Variants in LYPD6B observed in about 807,000 individuals in gnomAD.
The protein encoded by LYPD6B is ly6/PLAUR domain-containing protein 6B.
In LYPD6B, 17 loss-of-function variants were observed where a neutral mutation model predicts 22.8. The observed-to-expected ratio is 0.75, with a 90% CI of 0.51 to 1.12. The LOEUF is 1.12. Among genes scored for constraint, LYPD6B ranks in the 50% most tolerant of loss-of-function variants. The probability of loss-of-function intolerance (pLI) is 0.00; values close to 1 mark genes in which losing one functional copy is unlikely to be tolerated. For missense variants in LYPD6B, 221 were observed against 258.3 expected (o/e 0.86, Z 0.99); for synonymous variants, 106 against 91.6 (o/e 1.16, Z -0.90).
At chr2:149,124,197 A>G (rs1687550897) in intron 1 of LYPD6B, among the ~76,000 whole-genome samples, 1 of 152,194 alleles carries the variant, frequency 6.6e-6, no homozygotes, top group African/African-American at 2.4e-5. Flanking sequence ...TCACTGCACT[A>G]ACCCCTCCAA....
At chr2:149,196,998 A>G (rs1575163430) in intron 3 of LYPD6B, among the ~76,000 whole-genome samples, 1 of 152,214 alleles carries the variant, frequency 6.6e-6, no homozygotes, top group Non-Finnish European at 1.5e-5. Flanking sequence ...AGGACATTTC[A>G]GCCTCCATTT....
At position 149,144,915 on chromosome 2, in the gene LYPD6B, G is replaced by T. The variant is rs1322945549; in HGVS notation, c.5+13962G>T. Among the ~76,000 whole-genome samples the T allele has an allele frequency of 2.0e-5, 3 of 152,072 alleles. No homozygotes were observed. In the South Asian group the frequency reaches 6.2e-4, roughly 32 times the overall value. ...TTCTTTCCACTGTTCCCTATGAAACGTGGTGTCAACTGCTCTACTTGTTAC... is the reference window on the plus strand; with the variant it reads ...TTCTTTCCACTGTTCCCTATGAAACTTGGTGTCAACTGCTCTACTTGTTAC... On this transcript the variant is annotated intron_variant, in intron 2 of 6. Transcript: ENST00000409642.
At chr2:149,113,888 A>C (rs1036363045) in intron 1 of LYPD6B, among the ~76,000 whole-genome samples, 4 of 152,202 alleles carry the variant, frequency 2.6e-5, no homozygotes, top group African/African-American at 4.8e-5. Context: ...TGCCTTTGCT[A>C]TGTAAGGTAT....
chr2:149,112,992 G>A lies in LYPD6B; in HGVS notation c.-66-17891G>A, dbSNP rs532463454. On this transcript the variant is annotated intron_variant, in intron 1 of 6. Coordinates refer to ENST00000409642, the MANE Select transcript of LYPD6B (RefSeq NM_177964.5). ...CAGTTTACTGACTTGTTGAACAGGA[G>A]AAGAAGGCAGATAGAAGGTATGGTA... Among the ~76,000 whole-genome samples the A allele has an allele frequency of 2.0e-5, 3 of 152,286 alleles. No homozygotes were observed. In the South Asian group the frequency reaches 6.2e-4, roughly 32 times the overall value.
At chr2:149,048,171 C>T (rs995056474) in intron 1 of LYPD6B, among the ~76,000 whole-genome samples, 3 of 152,046 alleles carry the variant, frequency 2.0e-5, no homozygotes, top group African/African-American at 7.2e-5. Context: ...TTTTCTCATG[C>T]CCTATAATTT....
intron 2 of LYPD6B, among the ~76,000 whole-genome samples, chr2:149,160,113 C>A (rs1175880229): frequency 6.6e-6 from 1 of 151,826 alleles, no homozygotes; most frequent in East Asian, 1.9e-4. Context: ...ATGATCATAC[C>A]ATTGTATTCT....
intron 3 of LYPD6B, among the ~76,000 whole-genome samples, chr2:149,198,448 G>T (rs1048967838): frequency 5.9e-5 from 9 of 152,146 alleles, no homozygotes; most frequent in African/African-American, 1.7e-4. Flanking sequence ...AAATGTAGTT[G>T]AAGAGCTGTT....
At chr2:149,197,309 C>T (rs756622254) in intron 3 of LYPD6B, among the ~76,000 whole-genome samples, 4 of 152,086 alleles carry the variant, frequency 2.6e-5, no homozygotes, top group Non-Finnish European at 4.4e-5. Context: ...GTCAAGAGAT[C>T]GAGACCATCC....
At position 149,187,405 on chromosome 2, in the gene LYPD6B, T is replaced by C. The variant is rs565354000; in HGVS notation, c.78-17848T>C. The C allele has an allele frequency of 1.2e-4, 176 of 1,514,352 alleles. No homozygotes were observed. In the African/African-American group the frequency reaches 2.4e-3, roughly 20 times the overall value. 93.8% of individuals were successfully genotyped at this position (1,514,352 alleles called of 1,614,324 possible). On this transcript the variant is annotated intron_variant, in intron 3 of 6. Coordinates refer to ENST00000409642, the MANE Select transcript of LYPD6B (RefSeq NM_177964.5). ...TGGTCCCATGACTTGATACAATTGTTATAAGATTATTATTTTCTAGATGTG... is the reference window on the plus strand; with the variant it reads ...TGGTCCCATGACTTGATACAATTGTCATAAGATTATTATTTTCTAGATGTG...
intron 1 of LYPD6B, among the ~76,000 whole-genome samples, chr2:149,123,323 G>A (rs904846211): frequency 1.3e-5 from 2 of 152,170 alleles, no homozygotes; most frequent in Non-Finnish European, 2.9e-5. Flanking sequence ...GTTCTGTGGT[G>A]TTGGTAGATG....
intron 3 of LYPD6B, among the ~76,000 whole-genome samples, chr2:149,200,975 T>G (rs928188001): frequency 6.6e-6 from 1 of 152,204 alleles, no homozygotes; most frequent in African/African-American, 2.4e-5. Context: ...AGGCCTACTA[T>G]GTAGGAAAGA....
chr2:149,198,264 G>A (rs539834009), intron 3 of LYPD6B, among the ~76,000 whole-genome samples: 4 of 152,040 alleles, frequency 2.6e-5, no homozygotes, highest in South Asian at 2.1e-4. Flanking sequence ...GGCTGGTCTC[G>A]AACTCTTGAT....
At chr2:149,194,638 G>A (rs1175941678) in intron 3 of LYPD6B, among the ~76,000 whole-genome samples, 1 of 152,164 alleles carries the variant, frequency 6.6e-6, no homozygotes, top group African/African-American at 2.4e-5. Context: ...ATAACCTGAT[G>A]GGGAGGGAGT....
intron 2 of LYPD6B, among the ~76,000 whole-genome samples, chr2:149,133,614 A>C (rs556092725): frequency 7.2e-5 from 11 of 152,362 alleles, no homozygotes; most frequent in African/African-American, 2.6e-4. Flanking sequence ...TCGGCTTGTA[A>C]GGTATAATCC....
chr2:149,095,304 AAAAAT>A (rs1046483207), intron 1 of LYPD6B, among the ~76,000 whole-genome samples: 30 of 152,318 alleles, frequency 2.0e-4, no homozygotes, highest in African/African-American at 5.5e-4. Context: ...ATTTAAATAA[AAAAAT>A]AAAATAAAAT....
chr2:149,085,711 G>T (rs1685356815), intron 1 of LYPD6B, among the ~76,000 whole-genome samples: 1 of 152,206 alleles, frequency 6.6e-6, no homozygotes, highest in South Asian at 2.1e-4. Flanking sequence ...ATTTAAGAAA[G>T]AATTTGGTGA....
At chr2:149,119,299 A>G (rs1687163469) in intron 1 of LYPD6B, 1 of 152,358 alleles carries the variant, frequency 6.6e-6, no homozygotes, top group Admixed American at 6.5e-5. Flanking sequence ...GCTGAAATGT[A>G]CAATTTACAA....
At chr2:149,158,631 A>G (rs770109991) in intron 2 of LYPD6B, among the ~76,000 whole-genome samples, 5 of 152,216 alleles carry the variant, frequency 3.3e-5, no homozygotes, top group Admixed American at 2.6e-4. Context: ...AATGTACTGA[A>G]TGCCACTGAA....
At chr2:149,153,724 G>A (rs543615769) in intron 2 of LYPD6B, among the ~76,000 whole-genome samples, 10 of 152,026 alleles carry the variant, frequency 6.6e-5, no homozygotes, top group African/African-American at 2.2e-4. Context: ...GCAGTGAGCC[G>A]AGATCGTGCC....
Sources: allele counts gnomAD v4.1 joint callset (sites outside exome capture counted in the v4.1 genomes callset), GRCh38; gene constraint gnomAD v4.1.1; transcripts MANE v1.5; gene names NCBI Gene and HGNC (gene_info 2026-07-23, HGNC 2026-07-21).